The following SCUBE3 variants were observed in gnomAD, a reference collection of about 807,000 sequenced individuals.
SCUBE3 encodes the protein signal peptide, CUB domain and EGF like domain containing 3.
A neutral mutation model predicts 116.8 loss-of-function variants in SCUBE3; 33 were observed. The ratio of observed to expected loss-of-function variants is 0.28; its 90% CI spans 0.21 to 0.38. SCUBE3 has a LOEUF of 0.38. SCUBE3 is among the 10% of genes least tolerant of loss of function. The pLI is 1.00. For synonymous variants in SCUBE3, 418 were observed against 496.9 expected (o/e 0.84, Z 2.11); for missense variants, 1,007 against 1,324.8 (o/e 0.76, Z 3.72).
At position 35,245,172 on chromosome 6, in the gene SCUBE3, C is replaced by T; in HGVS notation, c.2402-56C>T. The T allele has an allele frequency of 6.6e-7, 1 of 1,516,610 alleles. No individual in the cohort carries two copies. Among genetic ancestry groups the T allele is most frequent in the Non-Finnish European group, 9.2e-7 (1 of 1,091,650 alleles). 93.9% of individuals were successfully genotyped at this position (1,516,610 alleles called of 1,614,324 possible). A position where few individuals can be genotyped will look rare whatever the true frequency, so the allele number is the denominator to read the frequency against. On this transcript the variant is annotated intron_variant, in intron 18 of 21. Coordinates refer to ENST00000274938, the MANE Select transcript of SCUBE3 (RefSeq NM_152753.4). The surrounding 1 kb of genome is among the most constrained non-coding windows in gnomAD (Gnocchi z 4.2). ...AGAACTCTTCAATTCCCCCAGCACACTTCCCCACTGACTTCCCTTCTCTGT... is the reference window on the plus strand; with the variant it reads ...AGAACTCTTCAATTCCCCCAGCACATTTCCCCACTGACTTCCCTTCTCTGT...
intron 1 of SCUBE3, chr6:35,223,260 T>A (rs1783182873): frequency 6.6e-6 from 1 of 152,208 alleles, no homozygotes; most frequent in Non-Finnish European, 1.5e-5. Flanking sequence ...TGGTGTTAAG[T>A]ACTTGATGGG....
chr6:35,228,528 T>C lies in SCUBE3; in HGVS notation c.209-86T>C, dbSNP rs1031789842. 4.9e-6 allele frequency: 7 copies of C among 1,442,450 alleles called. No individual in the cohort carries two copies. In the African/African-American group the frequency reaches 8.4e-5, roughly 17 times the overall value. 89.4% of individuals were successfully genotyped at this position (1,442,450 alleles called of 1,614,324 possible). A position where few individuals can be genotyped will look rare whatever the true frequency, so the allele number is the denominator to read the frequency against. On this transcript the variant is annotated intron_variant, in intron 2 of 21. Transcript: ENST00000274938. The surrounding 1 kb of genome is among the most constrained non-coding windows in gnomAD (Gnocchi z 4.9). ...GGCTTATAGGCCATGAACATAACTA[T>C]GTAAACACAACCATAAGGCTGAGTC...
rs1562044702 is a variant in SCUBE3 at position 35,226,479 on chromosome 6, C to CTTTT, written c.86-1101_86-1100insTTTT. On this transcript the variant is annotated intron_variant, in intron 1 of 21. Transcript: ENST00000274938. ...TCAGAAGTTGGACTCTTTTCTATGT[C>CTTTT]CTTTTTTTTTTTTTTTTTTTTTTGA... Among the ~76,000 whole-genome samples the CTTTT allele has an allele frequency of 8.6e-3, 450 of 52,088 alleles. 10 individuals are homozygous for CTTTT. Among genetic ancestry groups the CTTTT allele is most frequent in the African/African-American group, 0.02 (367 of 18,254 alleles). The allele number at this position is 52,088 out of a possible 152,430, so 34.2% of individuals were successfully genotyped here.
chr6:35,217,222 C>T (rs183793125), intron 1 of SCUBE3, among the ~76,000 whole-genome samples: 45 of 1,058 alleles, frequency 0.043, 1 homozygote, highest in African/African-American at 0.1. Flanking sequence ...GGGTGTTTGG[C>T]GGGGGGGGGG....
Position 35,214,334 on chromosome 6 carries a change from T to A in SCUBE3, c.-85T>A. On this transcript the variant is annotated 5_prime_UTR_variant, in exon 1 of 22. Transcript: ENST00000274938. This position sits in a 1 kb window ranked among gnomAD's most constrained non-coding sequence, Gnocchi z 6.3. The stretch of plus-strand genomic sequence containing the variant: ...GGCGGGGCGCCCCCTCCCCTCCCCC[T>A]CCTGCGAGCTGGGATCCGGCCGGCT... 8 of 771,920 alleles carry A rather than the reference T, an allele frequency of 1.0e-5. No individual in the cohort carries two copies. Among genetic ancestry groups the A allele is most frequent in the African/African-American group, 1.9e-5 (1 of 52,182 alleles). 47.8% of individuals were successfully genotyped at this position (771,920 alleles called of 1,614,324 possible).
intron 21 of SCUBE3, among the ~76,000 whole-genome samples, chr6:35,247,743 T>C (rs957691328): frequency 6.6e-6 from 1 of 152,184 alleles, no homozygotes; most frequent in Non-Finnish European, 1.5e-5. Context: ...ACTTCTTATT[T>C]GAAAAATCCA....
At position 35,231,651 on chromosome 6, in the gene SCUBE3, G is replaced by C; in HGVS notation, c.335-74G>C. Reference sequence around the variant, plus strand: ...GGTAGTAGTTCTTAAGACTGCCTTTGGTGCTGAAGTCTTGGGATATACCCT... The same window carrying C: ...GGTAGTAGTTCTTAAGACTGCCTTTCGTGCTGAAGTCTTGGGATATACCCT... On this transcript the variant is annotated intron_variant, in intron 3 of 21. Transcript: ENST00000274938. This position sits in a 1 kb window ranked among gnomAD's most constrained non-coding sequence, Gnocchi z 4.2. The C allele has an allele frequency of 7.4e-7, 1 of 1,346,718 alleles. No individual in the cohort carries two copies. The highest frequency in any genetic ancestry group is 1.7e-5 in the South Asian group (1 of 60,178). The allele number at this position is 1,346,718 out of a possible 1,614,324, so 83.4% of individuals were successfully genotyped here.
At position 35,214,442 on chromosome 6, in the gene SCUBE3, G is replaced by T; in HGVS notation, c.24G>T (p.Gly8=). 1 of 1,491,368 alleles carries T rather than the reference G, an allele frequency of 6.7e-7. No individual in the cohort carries two copies. The highest frequency in any genetic ancestry group is 1.3e-5 in the South Asian group (1 of 78,732). 92.4% of individuals were successfully genotyped at this position (1,491,368 alleles called of 1,614,324 possible). A position where few individuals can be genotyped will look rare whatever the true frequency, so the allele number is the denominator to read the frequency against. The change falls in exon 1 of 22, where the codon GGG becomes GGT. Residue 8 remains glycine (G), a synonymous_variant. Coordinates refer to ENST00000274938, the MANE Select transcript of SCUBE3 (RefSeq NM_152753.4). This position sits in a 1 kb window ranked among gnomAD's most constrained non-coding sequence, Gnocchi z 6.3. MGSGRVP[G]LCLLVLLVHA... is the part of the protein sequence containing the mutation. ...CCATGGGCTCGGGGCGCGTACCCGG[G>T]CTCTGCCTGCTTGTCCTGCTGGTCC...
At chr6:35,242,983 C>A in intron 14 of SCUBE3, 38 bp from the exon 15 acceptor site, 1 of 1,601,652 alleles carries the variant, frequency 6.2e-7, no homozygotes, top group Non-Finnish European at 8.6e-7. Context: ...CACAGCAACT[C>A]TTTCTCCTCC....
In SCUBE3 at chr6:35,241,440, T is replaced by C. The variant is rs887969207; in HGVS notation, c.1196-103T>C. The stretch of plus-strand genomic sequence containing the variant: ...GTAGTAAACAATCCCATCATCAGTC[T>C]CCATGGGTACAACAATAGTTATGCA... On this transcript the variant is annotated intron_variant, in intron 10 of 21. Transcript: ENST00000274938. The surrounding 1 kb of genome is among the most constrained non-coding windows in gnomAD (Gnocchi z 4.1). The C allele has an allele frequency of 9.0e-7, 1 of 1,108,662 alleles. No homozygotes were observed. The highest frequency in any genetic ancestry group is 1.4e-6 in the Non-Finnish European group (1 of 729,296). The allele number at this position is 1,108,662 out of a possible 1,614,324, so 68.7% of individuals were successfully genotyped here. A position where few individuals can be genotyped will look rare whatever the true frequency, so the allele number is the denominator to read the frequency against.
chr6:35,242,578 C>T (rs1449658168), intron 13 of SCUBE3, 44 bp from the exon 14 acceptor site: 1 of 1,576,902 alleles, frequency 6.3e-7, no homozygotes, highest in South Asian at 1.1e-5. Context: ...GGAGTGAGAA[C>T]TTTCCAGGGG....
chr6:35,241,601 G>T lies in SCUBE3; in HGVS notation c.1254G>T (p.Arg418=). ...CGAAAGCCATGCTCAGCTGCAACCG[G>T]TCTGGCAAGAAGGACACCTGTGCCC... ...GASKAMLSCN[R]SGKKDTCALT... Residue 418 remains arginine (R), a synonymous_variant, in exon 11 of 22, where the codon CGG becomes CGT. Transcript: ENST00000274938. The surrounding 1 kb of genome is among the most constrained non-coding windows in gnomAD (Gnocchi z 4.1). 1 of 1,614,218 alleles carries T rather than the reference G, an allele frequency of 6.2e-7. No individual in the cohort carries two copies. Among genetic ancestry groups the T allele is most frequent in the South Asian group, 1.1e-5 (1 of 91,080 alleles).
At position 35,235,245 on chromosome 6, in the gene SCUBE3, G is replaced by A. The variant is rs986142535; in HGVS notation, c.712+1944G>A. ...CTGTTTCAGTTTTTCAGTCACTTGC[G>A]GGGAGCTTGGCATCTTTGGGGATAC... On this transcript the variant is annotated intron_variant, in intron 6 of 21. Coordinates refer to ENST00000274938, the MANE Select transcript of SCUBE3 (RefSeq NM_152753.4). The surrounding 1 kb of genome is among the most constrained non-coding windows in gnomAD (Gnocchi z 4.5). 2.6e-5 allele frequency among the ~76,000 whole-genome samples: 4 copies of A among 152,102 alleles called. No individual in the cohort carries two copies. Among genetic ancestry groups the A allele is most frequent in the Non-Finnish European group, 4.4e-5 (3 of 68,010 alleles).
Position 35,244,885 on chromosome 6 carries a change from G to A in SCUBE3, c.2401+74G>A. The A allele has an allele frequency of 6.9e-7, 1 of 1,447,554 alleles. No individual in the cohort carries two copies. The highest frequency in any genetic ancestry group is 1.7e-5 in the Admixed American group (1 of 58,266). 89.7% of individuals were successfully genotyped at this position (1,447,554 alleles called of 1,614,324 possible). ...CAGTGGACATCTAAAGGAGGGGTGTGAAACCAACAGGGAGCAGGGCTGGGG... is the reference window on the plus strand; with the variant it reads ...CAGTGGACATCTAAAGGAGGGGTGTAAAACCAACAGGGAGCAGGGCTGGGG... On this transcript the variant is annotated intron_variant, in intron 18 of 21. Transcript: ENST00000274938. The surrounding 1 kb of genome is among the most constrained non-coding windows in gnomAD (Gnocchi z 4.3).
chr6:35,224,691 G>A (rs1358042197), intron 1 of SCUBE3: 1 of 147,570 alleles, frequency 6.8e-6, no homozygotes, highest in Non-Finnish European at 1.5e-5. Flanking sequence ...GTGGTGATCA[G>A]CATCAAGATC....
chr6:35,230,688 C>T (rs182389899), intron 3 of SCUBE3, among the ~76,000 whole-genome samples: 3 of 152,334 alleles, frequency 2.0e-5, no homozygotes, highest in East Asian at 3.9e-4. Context: ...GCTCTTCCAA[C>T]AGGTGCATCT....
At chr6:35,225,334 G>A (rs946375631) in intron 1 of SCUBE3, among the ~76,000 whole-genome samples, 2 of 152,220 alleles carry the variant, frequency 1.3e-5, no homozygotes, top group African/African-American at 2.4e-5. Flanking sequence ...GCTTAAGATC[G>A]TTCTGTGATA....
In SCUBE3 at chr6:35,240,233, T is replaced by C; in HGVS notation, c.953-141T>C. The C allele has an allele frequency of 1.8e-6, 1 of 554,130 alleles. No individual in the cohort carries two copies. The allele number at this position is 554,130 out of a possible 1,614,324, so 34.3% of individuals were successfully genotyped here. On this transcript the variant is annotated intron_variant, in intron 8 of 21. Transcript: ENST00000274938. This position sits in a 1 kb window ranked among gnomAD's most constrained non-coding sequence, Gnocchi z 4.6. ...GAGAAGATGGAATGGCATTGTTAAA[T>C]CACTGGTCCTAGAGCTAGGACATGA...
chr6:35,245,867 A>G lies in SCUBE3; in HGVS notation c.2600-77A>G. The G allele has an allele frequency of 6.7e-7, 1 of 1,485,064 alleles. No individual in the cohort carries two copies. The highest frequency in any genetic ancestry group is 1.2e-5 in the South Asian group (1 of 82,162). The allele number at this position is 1,485,064 out of a possible 1,614,324, so 92.0% of individuals were successfully genotyped here. A position where few individuals can be genotyped will look rare whatever the true frequency, so the allele number is the denominator to read the frequency against. Reference sequence around the variant, plus strand: ...TCTCTTGCCCTATACCCCCACCACCAGCTGTACAGCCCACGTTCTAGGAGG... The same window carrying G: ...TCTCTTGCCCTATACCCCCACCACCGGCTGTACAGCCCACGTTCTAGGAGG... On this transcript the variant is annotated intron_variant, in intron 19 of 21. Coordinates refer to ENST00000274938, the MANE Select transcript of SCUBE3 (RefSeq NM_152753.4). The surrounding 1 kb of genome is among the most constrained non-coding windows in gnomAD (Gnocchi z 4.2).
Sources: allele counts gnomAD v4.1 joint callset (sites outside exome capture counted in the v4.1 genomes callset), GRCh38; gene constraint gnomAD v4.1.1; non-coding constraint Gnocchi (gnomAD v3.1); transcripts MANE v1.5; gene names NCBI Gene and HGNC (gene_info 2026-07-23, HGNC 2026-07-21).